EXT2: variants seen among roughly 807,000 people sequenced by gnomAD.
EXT2 encodes the protein exostosin glycosyltransferase 2.
EXT2 carries 53 observed loss-of-function variants against 81.6 expected under a neutral mutation model. That is an observed-to-expected ratio of 0.65 (90% CI 0.52 to 0.82). The LOEUF (loss-of-function observed/expected upper bound fraction) is 0.82, where lower values mean the gene tolerates loss of function less well. EXT2 is among the 40% of genes least tolerant of loss of function. The pLI is 0.00. For synonymous variants in EXT2, 320 were observed against 340.0 expected (o/e 0.94, Z 0.65); for missense variants, 774 against 910.2 (o/e 0.85, Z 1.93).
At position 44,232,382 on chromosome 11, in the gene EXT2, G is replaced by A; in HGVS notation, c.1692G>A (p.Val564=). Residue 564 remains valine (V), a synonymous_variant, in exon 11 of 14, where the codon GTG becomes GTA. Coordinates refer to ENST00000533608, the MANE Select transcript of EXT2 (RefSeq NM_207122.2). ...GGCGGGAATTTCCTGACCGGTTGGT[G>A]GGTTACCCGGGTCGTCTGCATCTCT... ...EVWREFPDRL[V]GYPGRLHLWD... The A allele has an allele frequency of 6.2e-7, 1 of 1,614,018 alleles. No individual in the cohort carries two copies. Among genetic ancestry groups the A allele is most frequent in the Non-Finnish European group, 8.5e-7 (1 of 1,179,956 alleles).
rs1159997362 is a variant in EXT2 at position 44,249,398 on chromosome 11, A to T, written c.*5111A>T. Among the ~76,000 whole-genome samples, 1 of 152,206 alleles carries T rather than the reference A, an allele frequency of 6.6e-6. No homozygotes were observed. Among genetic ancestry groups the T allele is most frequent in the African/African-American group, 2.4e-5 (1 of 41,450 alleles). On this transcript the variant is annotated 3_prime_UTR_variant, in exon 14 of 14. Coordinates refer to ENST00000533608, the MANE Select transcript of EXT2 (RefSeq NM_207122.2). ...AAGGCACAGAACTATCAGACAGAAG[A>T]CAAGGTAGTTCTCAAGAAGTACCAG...
At chr11:44,131,204 A>G (rs994641837) in intron 7 of EXT2, among the ~76,000 whole-genome samples, 1 of 152,162 alleles carries the variant, frequency 6.6e-6, no homozygotes, top group Non-Finnish European at 1.5e-5. Context: ...CCACATTCTG[A>G]TGCTGTTATC....
At chr11:44,133,744 A>C (rs56386337) in intron 7 of EXT2, among the ~76,000 whole-genome samples, 2,573 of 152,244 alleles carry the variant, frequency 0.017, 77 homozygotes, top group African/African-American at 0.059. Flanking sequence ...CAATAGAGCT[A>C]AAGTTTCTGA....
At chr11:44,227,840 T>G (rs1039590144) in intron 10 of EXT2, among the ~76,000 whole-genome samples, 3 of 152,198 alleles carry the variant, frequency 2.0e-5, no homozygotes, top group African/African-American at 7.2e-5. Context: ...AGAAGTCTCC[T>G]TGAATACCTT....
At chr11:44,213,147 T>C (rs1458467246) in intron 10 of EXT2, among the ~76,000 whole-genome samples, 2 of 151,704 alleles carry the variant, frequency 1.3e-5, no homozygotes, top group Non-Finnish European at 2.9e-5. Context: ...AGAAGAAAAG[T>C]CTAAAAGCAG....
At chr11:44,200,302 CTT>C (rs779080281) in intron 9 of EXT2, among the ~76,000 whole-genome samples, 5 of 141,642 alleles carry the variant, frequency 3.5e-5, no homozygotes, top group Admixed American at 1.4e-4. Flanking sequence ...CCCCTTCCCA[CTT>C]TTTTTTTTTT....
At chr11:44,229,513 T>A (rs1387862450) in intron 10 of EXT2, among the ~76,000 whole-genome samples, 1 of 152,174 alleles carries the variant, frequency 6.6e-6, no homozygotes, top group Non-Finnish European at 1.5e-5. Context: ...CTTTTCATGA[T>A]CCCAGACCAC....
intron 7 of EXT2, among the ~76,000 whole-genome samples, chr11:44,134,901 C>A (rs948743722): frequency 6.6e-6 from 1 of 152,200 alleles, no homozygotes; most frequent in African/African-American, 2.4e-5. Context: ...AAACATTCAG[C>A]ATCTTCTTTT....
At chr11:44,137,018 AT>A (rs1397625562) in intron 7 of EXT2, among the ~76,000 whole-genome samples, 1 of 152,014 alleles carries the variant, frequency 6.6e-6, no homozygotes, top group Non-Finnish European at 1.5e-5. Context: ...TTCTGTTTGA[AT>A]TTTCCTAGTA....
At chr11:44,097,446 T>C (rs1273055878) in intron 1 of EXT2, among the ~76,000 whole-genome samples, 1 of 152,166 alleles carries the variant, frequency 6.6e-6, no homozygotes, top group Non-Finnish European at 1.5e-5. Context: ...TGGGTTAAGA[T>C]CCAGTGTGGC....
At chr11:44,202,879 G>A (rs1955537765) in intron 9 of EXT2, among the ~76,000 whole-genome samples, 1 of 152,220 alleles carries the variant, frequency 6.6e-6, no homozygotes, top group Admixed American at 6.5e-5. Flanking sequence ...TGTTTCCAAA[G>A]ACTGTGTTCT....
At chr11:44,231,547 G>A (rs2135257495) in intron 10 of EXT2, among the ~76,000 whole-genome samples, 1 of 152,302 alleles carries the variant, frequency 6.6e-6, no homozygotes, top group South Asian at 2.1e-4. Context: ...CTTAAAGAAA[G>A]AGTTTGAAGA....
Position 44,232,350 on chromosome 11 carries a change from T to A in EXT2, c.1663-3T>A. The A allele has an allele frequency of 6.2e-7, 1 of 1,613,880 alleles. No individual in the cohort carries two copies. Among genetic ancestry groups the A allele is most frequent in the Non-Finnish European group, 8.5e-7 (1 of 1,179,892 alleles). The stretch of plus-strand genomic sequence containing the variant: ...TTGATTGTTATTATGTGTCTGTCCT[T>A]AGGTCTGGCGGGAATTTCCTGACCG... On this transcript the variant is annotated splice_polypyrimidine_tract_variant and splice_region_variant and intron_variant, in intron 10 of 13. Transcript: ENST00000533608.
chr11:44,149,375 GT>G (rs903439614), intron 7 of EXT2, among the ~76,000 whole-genome samples: 5 of 152,066 alleles, frequency 3.3e-5, no homozygotes, highest in Non-Finnish European at 7.4e-5. Flanking sequence ...AACAGTTGGA[GT>G]TTGGAATCCC....
chr11:44,139,119 CCTT>C (rs968226330), intron 7 of EXT2, among the ~76,000 whole-genome samples: 14 of 97,332 alleles, frequency 1.4e-4, no homozygotes, highest in African/African-American at 2.4e-4. Context: ...CTCTCTCTCT[CCTT>C]TTTTTTTTTT....
chr11:44,111,415 CT>C (rs773494071), intron 3 of EXT2, among the ~76,000 whole-genome samples: 1 of 152,058 alleles, frequency 6.6e-6, no homozygotes, highest in African/African-American at 2.4e-5. Flanking sequence ...TTTTTCTAGT[CT>C]TTTTTCTATG....
At chr11:44,140,035 T>C (rs920290246) in intron 7 of EXT2, among the ~76,000 whole-genome samples, 3 of 152,168 alleles carry the variant, frequency 2.0e-5, no homozygotes, top group Non-Finnish European at 4.4e-5. Flanking sequence ...TGGCCACTGG[T>C]AGGGGCAGGG....
At chr11:44,099,796 A>G (rs1953956320) in intron 1 of EXT2, among the ~76,000 whole-genome samples, 1 of 152,250 alleles carries the variant, frequency 6.6e-6, no homozygotes, top group Admixed American at 6.5e-5. Context: ...GGGTGCTCAC[A>G]GGGAAGATCC....
chr11:44,218,332 A>G (rs1047666771), intron 10 of EXT2, among the ~76,000 whole-genome samples: 3 of 152,278 alleles, frequency 2.0e-5, no homozygotes, highest in Non-Finnish European at 2.9e-5. Flanking sequence ...GTGGTAGTAC[A>G]GGGGACCCAT....
Sources: gnomAD v4.1 joint callset for allele counts (sites outside exome capture counted in the v4.1 genomes callset) on GRCh38, gnomAD v4.1.1 for gene constraint, MANE v1.5 for transcripts, NCBI Gene and HGNC (gene_info 2026-07-23, HGNC 2026-07-21) for gene names.